The following POU6F1 variants were observed in gnomAD, a reference collection of about 807,000 sequenced individuals.
POU6F1 encodes POU class 6 homeobox 1.
A neutral mutation model predicts 28.9 loss-of-function variants in POU6F1; 9 were observed. The observed-to-expected ratio is 0.31, with a 90% CI of 0.19 to 0.54. POU6F1 has a LOEUF of 0.54. Among genes scored for constraint, POU6F1 ranks in the 20% least tolerant of loss-of-function variants. The pLI, the probability that POU6F1 is intolerant of heterozygous loss-of-function variation, is 0.94. For synonymous variants in POU6F1, 173 were observed against 171.1 expected (o/e 1.01, Z -0.09); for missense variants, 338 against 426.1 (o/e 0.79, Z 1.82).
intron 7 of POU6F1, among the ~76,000 whole-genome samples, 154 bp from the exon 8 acceptor site, chr12:51,196,327 C>T (rs1000563895): frequency 3.9e-5 from 6 of 152,198 alleles, no homozygotes; most frequent in African/African-American, 1.2e-4. Context: ...GCAGGATTCA[C>T]ACTCTAAGGG....
At chr12:51,212,983 T>C (rs797022209) in intron 1 of POU6F1, among the ~76,000 whole-genome samples, 83 of 151,530 alleles carry the variant, frequency 5.5e-4, no homozygotes, top group African/African-American at 1.9e-3. Flanking sequence ...GTCACCCAGG[T>C]TGGAGTGCAG....
intron 1 of POU6F1, among the ~76,000 whole-genome samples, chr12:51,211,072 C>T (rs1943953548): frequency 1.3e-5 from 2 of 152,222 alleles, no homozygotes; most frequent in South Asian, 2.1e-4. Context: ...AGTGACTAGA[C>T]AGCCCTCTTC....
At chr12:51,196,721 C>G in intron 7 of POU6F1, 78 bp downstream of exon 7, 2 of 1,538,276 alleles carry the variant, frequency 1.3e-6, no homozygotes, top group Non-Finnish European at 1.8e-6. Context: ...CTATGACCCA[C>G]AGCCCAAGAC....
Position 51,206,864 on chromosome 12 carries a change from C to A in POU6F1, c.-28G>T, listed in dbSNP as rs777242473. 1 of 398,616 alleles carries A rather than the reference C, an allele frequency of 2.5e-6. No individual in the cohort carries two copies. Among genetic ancestry groups the A allele is most frequent in the Non-Finnish European group, 4.4e-6 (1 of 226,044 alleles). The allele number at this position is 398,616 out of a possible 1,614,324, so 24.7% of individuals were successfully genotyped here. ...TCACTTGTCAGGGTCGGGTGGGGGC[C>A]GGCCCACACCTAGCACATCCTGGGT... On this transcript the variant is annotated 5_prime_UTR_variant, in exon 2 of 11. Transcript: ENST00000333640.
intron 1 of POU6F1, among the ~76,000 whole-genome samples, chr12:51,214,634 G>A (rs931453166): frequency 1.3e-5 from 2 of 152,112 alleles, no homozygotes; most frequent in African/African-American, 4.8e-5. Flanking sequence ...ATGATGAGGT[G>A]ACCAAATAAA....
At chr12:51,209,284 C>A (rs1392503871) in intron 1 of POU6F1, among the ~76,000 whole-genome samples, 2 of 152,232 alleles carry the variant, frequency 1.3e-5, no homozygotes, top group Non-Finnish European at 2.9e-5. Flanking sequence ...CACTAACAGT[C>A]ATTCACCTTC....
intron 2 of POU6F1, among the ~76,000 whole-genome samples, chr12:51,206,216 G>A (rs1172955074): frequency 1.3e-5 from 2 of 151,002 alleles, no homozygotes; most frequent in African/African-American, 2.4e-5. Context: ...GAGGTCAGGA[G>A]ATCGAGACCA....
intron 6 of POU6F1, 115 bp downstream of exon 6, chr12:51,197,655 G>A: frequency 2.5e-6 from 1 of 398,228 alleles, no homozygotes; most frequent in Admixed American, 4.4e-5. Flanking sequence ...CTGATGTGTT[G>A]GAAAAGGGCT....
At chr12:51,215,894 T>C (rs961157599) in intron 1 of POU6F1, among the ~76,000 whole-genome samples, 4 of 152,246 alleles carry the variant, frequency 2.6e-5, no homozygotes, top group Non-Finnish European at 4.4e-5. Flanking sequence ...ATAATATTTA[T>C]GGAAGGCACT....
At chr12:51,207,931 T>G (rs1168715580) in intron 1 of POU6F1, among the ~76,000 whole-genome samples, 1 of 152,058 alleles carries the variant, frequency 6.6e-6, no homozygotes, top group Non-Finnish European at 1.5e-5. Flanking sequence ...GAAGCCCTCA[T>G]GTGAGGACAG....
chr12:51,192,427 C>T lies in POU6F1; in HGVS notation c.1224G>A (p.Val408=). 1 of 1,613,928 alleles carries T rather than the reference C, an allele frequency of 6.2e-7. No individual in the cohort carries two copies. Residue 408 remains valine, a synonymous_variant, in exon 9 of 11, where the codon GTG becomes GTA. Coordinates refer to ENST00000333640, the MANE Select transcript of POU6F1 (RefSeq NM_001330422.2). The stretch of plus-strand genomic sequence containing the variant: ...CGGCTGGAGCTGGGCTGGCAATGAC[C>T]ACAGCAGGCTGGGGCACGGTTGGTG... The part of the protein sequence containing the change: ...QPTPTVPQPA[V]VIASPAPAAK...
chr12:51,215,149 G>C (rs111568267), intron 1 of POU6F1, among the ~76,000 whole-genome samples: 37 of 152,062 alleles, frequency 2.4e-4, no homozygotes, highest in African/African-American at 8.0e-4. Context: ...TCACGTCATA[G>C]CCACATCACT....
rs182612130 is a variant in POU6F1 at position 51,192,762 on chromosome 12, G to A, written c.1180-291C>T. ...TCTACTAAAAATACAAAAATTAGCT[G>A]GGCATGGTGGTGGGTGCCTATAATT... On this transcript the variant is annotated intron_variant, in intron 8 of 10. Transcript: ENST00000333640. Among the ~76,000 whole-genome samples the A allele has an allele frequency of 3.6e-4, 55 of 152,198 alleles. 1 individual carries two copies. The East Asian group carries it at 7.5e-3, about 21-fold the overall frequency.
intron 1 of POU6F1, 134 bp from the exon 2 acceptor site, chr12:51,207,017 A>G (rs1369993279): frequency 3.2e-6 from 1 of 317,194 alleles, no homozygotes; most frequent in Admixed American, 5.1e-5. Flanking sequence ...TAGAGGTTAA[A>G]AAAAAAAAAA....
At chr12:51,198,052 T>C in intron 5 of POU6F1, 29 bp from the exon 6 acceptor site, 1 of 398,924 alleles carries the variant, frequency 2.5e-6, no homozygotes. Context: ...ACAGAGGTGC[T>C]CAAATGCCTA....
At chr12:51,198,078 G>C (rs563141596) in intron 5 of POU6F1, 55 bp from the exon 6 acceptor site, 16 of 398,910 alleles carry the variant, frequency 4.0e-5, no homozygotes, top group Non-Finnish European at 7.1e-5. Flanking sequence ...TGCTCACAGC[G>C]GCTCCAATCC....
chr12:51,216,971 C>A (rs1489745398), intron 1 of POU6F1, among the ~76,000 whole-genome samples: 2 of 151,976 alleles, frequency 1.3e-5, no homozygotes, highest in African/African-American at 4.8e-5. Context: ...GCCCAGGGAG[C>A]CTGCATCGGG....
In POU6F1 at chr12:51,190,459, A is replaced by T; in HGVS notation, c.1624T>A (p.Ser542Thr). Residue 542 changes from serine to threonine, a missense_variant, in exon 11 of 11, where the codon TCC becomes ACC. Ser to Thr is a moderately conservative substitution (Grantham distance 58, BLOSUM62 1). This residue lies in a region of POU6F1 where 126 missense variants were observed against 176.5 expected (regional missense o/e 0.71). Coordinates refer to ENST00000333640, the MANE Select transcript of POU6F1 (RefSeq NM_001330422.2). The surrounding 1 kb of genome is among the most constrained non-coding windows in gnomAD (Gnocchi z 4.5). ...GAGGTGCGGCGTTTGCGTTTCTTGG[A>T]GGGCTCGCCTCCCACAAACTCCATC... is the stretch of plus-strand genomic sequence containing the variant. ...NLMEFVGGEP[S>T]KKRKRRTSFT... is the part of the protein sequence containing the mutation. The T allele has an allele frequency of 6.2e-7, 1 of 1,614,058 alleles. No individual in the cohort carries two copies. Among genetic ancestry groups the T allele is most frequent in the Non-Finnish European group, 8.5e-7 (1 of 1,180,002 alleles).
intron 1 of POU6F1, among the ~76,000 whole-genome samples, chr12:51,213,108 TG>T (rs2137234621): frequency 6.6e-6 from 1 of 152,242 alleles, no homozygotes; most frequent in African/African-American, 2.4e-5. Flanking sequence ...GGCTGATTTT[TG>T]TATTTTTAGT....
Sources: gnomAD v4.1 joint callset for allele counts (sites outside exome capture counted in the v4.1 genomes callset) on GRCh38, gnomAD v4.1.1 for gene constraint, gnomAD v4.1.1 regional missense constraint, Gnocchi (gnomAD v3.1) non-coding constraint, MANE v1.5 for transcripts, NCBI Gene and HGNC (gene_info 2026-07-23, HGNC 2026-07-21) for gene names.